Variants in SEL1L3 observed in about 807,000 individuals in gnomAD.
The protein encoded by SEL1L3 is protein sel-1 homolog 3.
Under a neutral mutation model 142.8 loss-of-function variants are expected in SEL1L3, and 76 were observed. That is an observed-to-expected ratio of 0.53 (90% CI 0.44 to 0.64). The LOEUF is 0.64. SEL1L3 is among the 30% of genes least tolerant of loss of function. The pLI, the probability that SEL1L3 is intolerant of heterozygous loss-of-function variation, is 0.00. For synonymous variants in SEL1L3, 504 were observed against 519.6 expected (o/e 0.97, Z 0.41); for missense variants, 1,262 against 1,381.7 (o/e 0.91, Z 1.37).
intron 1 of SEL1L3, among the ~76,000 whole-genome samples, chr4:25,858,129 T>C (rs1055833011): frequency 1.3e-5 from 2 of 152,256 alleles, no homozygotes; most frequent in African/African-American, 2.4e-5. Context: ...TACTCCAGTC[T>C]ATCCATGTTT....
chr4:25,749,759 C>T lies in SEL1L3; in HGVS notation c.3260-1195G>A, dbSNP rs143120255. Among the ~76,000 whole-genome samples, 1,131 of 152,322 alleles carry T rather than the reference C, an allele frequency of 7.4e-3. 8 individuals carry two copies. The highest frequency in any genetic ancestry group is 8.6e-3 in the Non-Finnish European group (582 of 68,024). ...TTCTGTACATTAGTGAGAAATATCA[C>T]GAACTGGCCCAAACTGCAGCCCATG... On this transcript the variant is annotated intron_variant, in intron 23 of 23. Coordinates refer to ENST00000399878, the MANE Select transcript of SEL1L3 (RefSeq NM_015187.5).
chr4:25,784,288 A>C lies in SEL1L3; in HGVS notation c.2220T>G (p.Gly740=). ...IYDYAIVLFK[G]QGVKKNRRLA... is the part of the protein sequence containing the mutation. Reference sequence around the variant, plus strand: ...GCCGTCTGTTCTTTTTTACTCCTTGACCCTAAACATTGATAAACAGCGATG... The same window carrying C: ...GCCGTCTGTTCTTTTTTACTCCTTGCCCCTAAACATTGATAAACAGCGATG... The change falls in exon 14 of 24, where the codon GGT becomes GGG. Residue 740 remains glycine, a splice_region_variant and synonymous_variant. Transcript: ENST00000399878. The C allele has an allele frequency of 1.2e-6, 2 of 1,613,068 alleles. No individual in the cohort carries two copies. Among genetic ancestry groups the C allele is most frequent in the Non-Finnish European group, 1.7e-6 (2 of 1,179,196 alleles).
intron 23 of SEL1L3, among the ~76,000 whole-genome samples, chr4:25,749,236 A>G (rs1717433459): frequency 6.6e-6 from 1 of 152,138 alleles, no homozygotes; most frequent in Non-Finnish European, 1.5e-5. Flanking sequence ...CTTGAAACCC[A>G]CTTTGATCCT....
At chr4:25,787,652 T>C (rs1035292833) in intron 13 of SEL1L3, among the ~76,000 whole-genome samples, 3 of 152,194 alleles carry the variant, frequency 2.0e-5, no homozygotes, top group African/African-American at 7.2e-5. Flanking sequence ...CGGCATTTTA[T>C]GGTCCCCAAA....
chr4:25,733,809 C>T, the SEL1L3 span, among the ~76,000 whole-genome samples: 10 of 152,106 alleles, frequency 6.6e-5, no homozygotes, highest in Admixed American at 2.0e-4. Context: ...GCCACCGCGT[C>T]GGGCCAGTTT....
chr4:25,797,601 C>T (rs1318690941), intron 11 of SEL1L3, among the ~76,000 whole-genome samples: 3 of 152,156 alleles, frequency 2.0e-5, no homozygotes, highest in Non-Finnish European at 4.4e-5. Context: ...GGCAGGGGCT[C>T]ATGGCAAGGG....
At chr4:25,727,200 G>GCA in the SEL1L3 span, among the ~76,000 whole-genome samples, 635 of 152,092 alleles carry the variant, frequency 4.2e-3, 3 homozygotes, top group African/African-American at 0.014. Flanking sequence ...CTACAGGCCT[G>GCA]TGCCACTACG....
intron 23 of SEL1L3, among the ~76,000 whole-genome samples, chr4:25,751,568 T>A (rs1005473390): frequency 1.3e-5 from 2 of 151,790 alleles, no homozygotes; most frequent in Non-Finnish European, 2.9e-5. Context: ...CAAGAAAGAC[T>A]GAGCTGCCTG....
chr4:25,813,849 G>A (rs2109245390), intron 9 of SEL1L3, among the ~76,000 whole-genome samples: 1 of 152,276 alleles, frequency 6.6e-6, no homozygotes. Flanking sequence ...TCACTGGACG[G>A]GAATGTGGAG....
At position 25,757,540 on chromosome 4, in the gene SEL1L3, C is replaced by G; in HGVS notation, c.3253G>C (p.Val1085Leu). 1 of 1,530,572 alleles carries G rather than the reference C, an allele frequency of 6.5e-7. No individual in the cohort carries two copies. The highest frequency in any genetic ancestry group is 1.2e-5 in the South Asian group (1 of 83,154). The allele number at this position is 1,530,572 out of a possible 1,614,324, so 94.8% of individuals were successfully genotyped here. The change falls in exon 23 of 24, where the codon GTC becomes CTC. Residue 1085 changes from valine to leucine, a missense_variant. Val to Leu is a conservative substitution (Grantham distance 32). Around this residue, in one of 3 missense-constraint regions of SEL1L3, gnomAD observed 138 missense variants for 129.7 expected, o/e 1.06. Coordinates refer to ENST00000399878, the MANE Select transcript of SEL1L3 (RefSeq NM_015187.5). ...GCTTTTTATAAATCTTTACCTGAGA[C>G]AGACTGGAAATACTGCACAGTCCAG... ...IAWTVQYFQSVSASDPPPRPS... is the reference protein window; with the variant it reads ...IAWTVQYFQSLSASDPPPRPS...
chr4:25,808,808 G>T (rs1025816383), intron 9 of SEL1L3, among the ~76,000 whole-genome samples: 2 of 152,272 alleles, frequency 1.3e-5, no homozygotes, highest in Non-Finnish European at 2.9e-5. Flanking sequence ...AGTGGCGCAC[G>T]CCTGTAATCC....
At chr4:25,832,388 A>G (rs750934740) in intron 5 of SEL1L3, among the ~76,000 whole-genome samples, 6 of 152,258 alleles carry the variant, frequency 3.9e-5, no homozygotes, top group Non-Finnish European at 5.9e-5. Flanking sequence ...ACTGTCTTCA[A>G]TTAGAACAAC....
At chr4:25,724,546 C>T in the SEL1L3 span, among the ~76,000 whole-genome samples, 2 of 151,520 alleles carry the variant, frequency 1.3e-5, no homozygotes, top group Admixed American at 1.3e-4. Flanking sequence ...TCGAGACTAT[C>T]CTGGCTAACA....
the SEL1L3 span, among the ~76,000 whole-genome samples, chr4:25,733,278 T>C: frequency 0.12 from 18,901 of 152,046 alleles, 1,277 homozygotes; most frequent in South Asian, 0.18. Context: ...CCATTTTATT[T>C]AGGTTTTCTT....
At chr4:25,741,991 T>C in the SEL1L3 span, among the ~76,000 whole-genome samples, 1 of 151,900 alleles carries the variant, frequency 6.6e-6, no homozygotes, top group Non-Finnish European at 1.5e-5. Context: ...TTTGTAGTTT[T>C]AGTAGAGATG....
At chr4:25,841,445 T>A (rs148233191) in intron 2 of SEL1L3, among the ~76,000 whole-genome samples, 371 of 152,322 alleles carry the variant, frequency 2.4e-3, no homozygotes, top group African/African-American at 8.5e-3. Flanking sequence ...GCTCAGGAAC[T>A]TTTTTTCAGT....
At chr4:25,779,230 A>T in intron 15 of SEL1L3, 27 bp from the exon 16 acceptor site, 1 of 1,610,518 alleles carries the variant, frequency 6.2e-7, no homozygotes, top group Non-Finnish European at 8.5e-7. Context: ...ACAAACATCG[A>T]GTCATCCTAG....
the SEL1L3 span, among the ~76,000 whole-genome samples, chr4:25,715,658 G>A: frequency 2.6e-5 from 4 of 151,964 alleles, no homozygotes; most frequent in African/African-American, 9.7e-5. Context: ...ACAAAATATG[G>A]GAAAGAAGCC....
At chr4:25,756,121 T>G (rs1717941184) in intron 23 of SEL1L3, 2 of 985,448 alleles carry the variant, frequency 2.0e-6, no homozygotes, top group Non-Finnish European at 2.4e-6. Flanking sequence ...TCACTTTCCA[T>G]TATCTGCTAC....
Sources: gnomAD v4.1 joint callset for allele counts (sites outside exome capture counted in the v4.1 genomes callset) on GRCh38, gnomAD v4.1.1 for gene constraint, gnomAD v4.1.1 regional missense constraint, MANE v1.5 for transcripts, NCBI Gene and HGNC (gene_info 2026-07-23, HGNC 2026-07-21) for gene names.